The following MORC1 variants were observed in gnomAD, a reference collection of about 807,000 sequenced individuals.
The protein encoded by MORC1 is MORC family CW-type zinc finger 1.
A neutral mutation model predicts 134.9 loss-of-function variants in MORC1; 59 were observed. The observed-to-expected ratio is 0.44, with a 90% CI of 0.35 to 0.54. The LOEUF (loss-of-function observed/expected upper bound fraction) is 0.54, where lower values mean the gene tolerates loss of function less well. MORC1 is among the 20% of genes least tolerant of loss of function. The probability of loss-of-function intolerance (pLI) is 0.00; values close to 1 mark genes in which losing one functional copy is unlikely to be tolerated. For synonymous variants in MORC1, 395 were observed against 391.7 expected (o/e 1.01, Z -0.10); for missense variants, 947 against 1,134.5 (o/e 0.83, Z 2.37).
chr3:108,992,938 T>C (rs1393277530), intron 21 of MORC1, among the ~76,000 whole-genome samples: 2 of 152,240 alleles, frequency 1.3e-5, no homozygotes. Context: ...CTTTAAAAAA[T>C]ACTTTTTATA....
At chr3:109,053,521 GA>G (rs35197349) in intron 14 of MORC1, among the ~76,000 whole-genome samples, 2 of 147,558 alleles carry the variant, frequency 1.4e-5, no homozygotes, top group East Asian at 2.0e-4. Context: ...AACTAATGCA[GA>G]AAAAAAAAAC....
rs1050424176 is a variant in MORC1, at chr3:109,015,951, AT to A, written c.1705-8861del. ...GATTTGGGACTTTTTGAATTTTGGA[AT>A]ATTTGCATATATATAATTAGTTATC... On this transcript the variant is annotated intron_variant, in intron 17 of 27. Coordinates refer to ENST00000232603, the MANE Select transcript of MORC1 (RefSeq NM_014429.4). 1.4e-4 allele frequency among the ~76,000 whole-genome samples: 22 copies of A among 152,200 alleles called. 1 individual carries two copies. The highest frequency in any genetic ancestry group is 5.3e-4 in the African/African-American group (22 of 41,454).
intron 24 of MORC1, among the ~76,000 whole-genome samples, chr3:108,977,400 T>C (rs183111885): frequency 9.2e-5 from 14 of 152,332 alleles, no homozygotes; most frequent in Admixed American, 9.1e-4. Flanking sequence ...ATTATTTTTA[T>C]GGAGACAGGG....
At chr3:109,067,206 G>A (rs570864686) in intron 9 of MORC1, among the ~76,000 whole-genome samples, 1 of 152,140 alleles carries the variant, frequency 6.6e-6, no homozygotes, top group East Asian at 1.9e-4. Flanking sequence ...CAGCATTATG[G>A]GTCTATGGTT....
chr3:109,051,687 TAATA>T (rs890973466), intron 14 of MORC1, among the ~76,000 whole-genome samples: 2 of 152,146 alleles, frequency 1.3e-5, no homozygotes, highest in Admixed American at 6.5e-5. Flanking sequence ...CAAACAATAA[TAATA>T]AAAACACAAA....
At chr3:108,975,192 TGAG>T (rs1376287139) in intron 24 of MORC1, among the ~76,000 whole-genome samples, 1 of 152,212 alleles carries the variant, frequency 6.6e-6, no homozygotes, top group Non-Finnish European at 1.5e-5. Flanking sequence ...TAGTCCTAGC[TGAG>T]GAGAAGAGCA....
intron 27 of MORC1, among the ~76,000 whole-genome samples, chr3:108,962,325 A>T (rs1245262602): frequency 6.6e-6 from 1 of 152,196 alleles, no homozygotes; most frequent in Non-Finnish European, 1.5e-5. Context: ...ACTTAATACA[A>T]GATAAATTTC....
At chr3:108,988,689 A>G (rs1947961977) in intron 21 of MORC1, among the ~76,000 whole-genome samples, 1 of 152,184 alleles carries the variant, frequency 6.6e-6, no homozygotes, top group Admixed American at 6.5e-5. Flanking sequence ...CATGATGATT[A>G]TAACAAAATG....
chr3:109,113,353 AAGG>A (rs1301235855), intron 2 of MORC1, among the ~76,000 whole-genome samples: 2 of 152,174 alleles, frequency 1.3e-5, no homozygotes, highest in African/African-American at 4.8e-5. Context: ...AGTTTCCTAA[AAGG>A]AGGAGATAAC....
In MORC1 at chr3:109,114,435, G is replaced by A; in HGVS notation, c.68C>T (p.Thr23Ile). The change falls in exon 2 of 28, where the codon ACC (threonine) becomes ATC (isoleucine). Residue 23 changes from threonine (T) to isoleucine (I), a missense_variant and splice_region_variant. Transcript: ENST00000232603. ...TGCTCCAAAAAGGAAACTGTGAGTG[G>A]TGCTGATGAAGAAATAAAGAGAAAA... ...LRLDFIHANS[T>I]THSFLFGALA... The A allele has an allele frequency of 6.2e-7, 1 of 1,612,810 alleles. No homozygotes were observed. Among genetic ancestry groups the A allele is most frequent in the Non-Finnish European group, 8.5e-7 (1 of 1,179,208 alleles).
At chr3:109,060,334 G>T (rs1031720282) in intron 11 of MORC1, among the ~76,000 whole-genome samples, 1 of 151,146 alleles carries the variant, frequency 6.6e-6, no homozygotes, top group Non-Finnish European at 1.5e-5. Flanking sequence ...TCGAATTCTG[G>T]ATACCTCTAA....
rs567178083 is a variant in MORC1 at position 109,082,820 on chromosome 3, G to A, written c.689+10616C>T. 1.2e-3 allele frequency among the ~76,000 whole-genome samples: 177 copies of A among 152,240 alleles called. 1 individual carries two copies. The highest frequency in any genetic ancestry group is 4.1e-3 in the African/African-American group (169 of 41,552). On this transcript the variant is annotated intron_variant, in intron 8 of 27. Transcript: ENST00000232603. ...AAAGACCAATCTAAGAATTACTGGT[G>A]TTCAAGAGGGAATAAAGCAAGAGCA... is the stretch of plus-strand genomic sequence containing the variant.
At chr3:109,111,464 G>A (rs1025205601) in intron 2 of MORC1, among the ~76,000 whole-genome samples, 1 of 152,132 alleles carries the variant, frequency 6.6e-6, no homozygotes, top group African/African-American at 2.4e-5. Flanking sequence ...TCCTCTTCTA[G>A]GTGATGAGAG....
At chr3:109,088,047 C>G (rs942138572) in intron 8 of MORC1, among the ~76,000 whole-genome samples, 7 of 152,078 alleles carry the variant, frequency 4.6e-5, no homozygotes, top group Non-Finnish European at 2.9e-5. Flanking sequence ...AGCGGGACCC[C>G]TTCCTTATAC....
intron 3 of MORC1, among the ~76,000 whole-genome samples, chr3:109,104,144 C>T (rs993718045): frequency 4.6e-5 from 7 of 152,056 alleles, no homozygotes; most frequent in African/African-American, 1.7e-4. Context: ...AAAACATCTA[C>T]ATGTGAAAAA....
At chr3:109,049,401 G>A (rs1949768879) in intron 14 of MORC1, among the ~76,000 whole-genome samples, 1 of 152,226 alleles carries the variant, frequency 6.6e-6, no homozygotes, top group Admixed American at 6.5e-5. Flanking sequence ...CTTTTACTCA[G>A]TGGAGATCAC....
At position 109,064,728 on chromosome 3, in the gene MORC1, T is replaced by C. The variant is rs115625675; in HGVS notation, c.816-1497A>G. Among the ~76,000 whole-genome samples the C allele has an allele frequency of 2.1e-3, 317 of 152,342 alleles. 2 individuals carry two copies. Among genetic ancestry groups the C allele is most frequent in the African/African-American group, 7.3e-3 (303 of 41,564 alleles). Reference sequence around the variant, plus strand: ...TAAGAGTTTACCTGGTTTAGTTATATTGTAAAAATAATTCTAATCCTTAAT... The same window carrying C: ...TAAGAGTTTACCTGGTTTAGTTATACTGTAAAAATAATTCTAATCCTTAAT... On this transcript the variant is annotated intron_variant, in intron 9 of 27. Coordinates refer to ENST00000232603, the MANE Select transcript of MORC1 (RefSeq NM_014429.4).
intron 14 of MORC1, among the ~76,000 whole-genome samples, chr3:109,051,170 C>T (rs1306618276): frequency 6.6e-6 from 1 of 152,148 alleles, no homozygotes; most frequent in Non-Finnish European, 1.5e-5. Context: ...TTGTTAGCAT[C>T]AGCTGGGCCA....
chr3:108,999,822 C>T (rs2107518244), intron 21 of MORC1, among the ~76,000 whole-genome samples: 1 of 152,114 alleles, frequency 6.6e-6, no homozygotes, highest in East Asian at 1.9e-4. Context: ...AAAGAAAATA[C>T]CAAATAGATT....
Sources: gnomAD v4.1 joint callset for allele counts (sites outside exome capture counted in the v4.1 genomes callset) on GRCh38, gnomAD v4.1.1 for gene constraint, MANE v1.5 for transcripts, NCBI Gene and HGNC (gene_info 2026-07-23, HGNC 2026-07-21) for gene names.